Variants in NENF observed in about 807,000 individuals in gnomAD.
NENF encodes the protein neudesin neurotrophic factor.
Under a neutral mutation model 14.8 loss-of-function variants are expected in NENF, and 6 were observed. That is an observed-to-expected ratio of 0.40 (90% CI 0.22 to 0.80). The LOEUF is 0.80. Among genes scored for constraint, NENF ranks in the 30% least tolerant of loss-of-function variants. The pLI is 0.34. For synonymous variants in NENF, 76 were observed against 95.1 expected (o/e 0.80, Z 1.17); for missense variants, 184 against 212.7 (o/e 0.87, Z 0.84).
rs368519726 is a variant in NENF at position 212,444,375 on chromosome 1, C to T, written c.275C>T (p.Thr92Met). Residue 92 changes from threonine (T) to methionine (M), a missense_variant, in exon 3 of 4, where the codon ACG (threonine) becomes ATG (methionine). Physicochemically the swap from Thr to Met is moderately conservative, Grantham distance 81 (BLOSUM62 -1). Coordinates refer to ENST00000366988, the MANE Select transcript of NENF (RefSeq NM_013349.5). Reference protein sequence around the residue: ...YGRGAPYNALTGKDSTRGVAK... With the variant: ...YGRGAPYNALMGKDSTRGVAK... The stretch of plus-strand genomic sequence containing the variant: ...CGAGGAGCCCCCTACAATGCCTTGA[C>T]GGGGAAGGACTCCACTAGAGGGGTA... 68 of 1,606,746 alleles carry T rather than the reference C, an allele frequency of 4.2e-5. 1 individual carries two copies. The highest frequency in any genetic ancestry group is 3.0e-4 in the South Asian group (27 of 89,830).
Position 212,433,056 on chromosome 1 carries a change from C to T in NENF, c.113C>T (p.Ala38Val). ...TARAGQTPRP[A>V]ERGPPVRLFT... is the part of the protein sequence containing the mutation. Reference sequence around the variant, plus strand: ...CGGGCCGGGCAGACACCGCGCCCTGCCGAGCGGGGGCCCCCAGTGCGGCTT... The same window carrying T: ...CGGGCCGGGCAGACACCGCGCCCTGTCGAGCGGGGGCCCCCAGTGCGGCTT... Residue 38 changes from alanine (A) to valine (V), a missense_variant, in exon 1 of 4, where the codon GCC (alanine) becomes GTC (valine). By Grantham distance (64) the Ala-to-Val change is moderately conservative. Transcript: ENST00000366988. The surrounding 1 kb of genome is among the most constrained non-coding windows in gnomAD (Gnocchi z 5.5). 1 of 1,191,842 alleles carries T rather than the reference C, an allele frequency of 8.4e-7. No individual in the cohort carries two copies. Among genetic ancestry groups the T allele is most frequent in the Non-Finnish European group, 1.0e-6 (1 of 961,880 alleles). 73.8% of individuals were successfully genotyped at this position (1,191,842 alleles called of 1,614,324 possible).
intron 3 of NENF, among the ~76,000 whole-genome samples, chr1:212,445,369 A>G (rs11587792): frequency 1.9e-3 from 290 of 152,334 alleles, no homozygotes; most frequent in Middle Eastern, 6.8e-3. Flanking sequence ...ATAAATTGAG[A>G]TGAGCCAAAC....
chr1:212,437,961 C>T (rs1662634785), intron 1 of NENF, among the ~76,000 whole-genome samples: 1 of 152,092 alleles, frequency 6.6e-6, no homozygotes, highest in Non-Finnish European at 1.5e-5. Context: ...TGAGACCAGC[C>T]TGGGCAACGT....
In NENF at chr1:212,446,086, C is replaced by A; in HGVS notation, c.*80C>A. 7.0e-7 allele frequency: 1 copy of A among 1,434,096 alleles called. No homozygotes were observed. The highest frequency in any genetic ancestry group is 9.7e-7 in the Non-Finnish European group (1 of 1,029,366). 88.8% of individuals were successfully genotyped at this position (1,434,096 alleles called of 1,614,324 possible). On this transcript the variant is annotated 3_prime_UTR_variant, in exon 4 of 4. Transcript: ENST00000366988. ...GCTGAATCTCCTGCAAAACTGGCTGCCTGGAGGCCCTGAGCCACCCAGATC... is the reference window on the plus strand; with the variant it reads ...GCTGAATCTCCTGCAAAACTGGCTGACTGGAGGCCCTGAGCCACCCAGATC...
intron 1 of NENF, among the ~76,000 whole-genome samples, chr1:212,434,145 G>A (rs2102565689): frequency 6.6e-6 from 1 of 152,308 alleles, no homozygotes; most frequent in East Asian, 1.9e-4. Context: ...TTGTGAAGGG[G>A]CCATTTAGAA....
chr1:212,439,688 CAAAAAAA>C (rs1218927992), intron 1 of NENF, among the ~76,000 whole-genome samples: 32 of 60,934 alleles, frequency 5.3e-4, no homozygotes, highest in East Asian at 3.8e-3. Context: ...ACTAAATATA[CAAAAAAA>C]AAAAAAAAAA....
At chr1:212,442,702 G>A in intron 2 of NENF, 77 bp downstream of exon 2, 1 of 997,488 alleles carries the variant, frequency 1.0e-6, no homozygotes, top group Non-Finnish European at 1.6e-6. Flanking sequence ...GAGGTGTGAG[G>A]AAAGGGAGGG....
rs1183751477 is a variant in NENF, at chr1:212,433,503, G to C, written c.177+383G>C. ...GCATAGTGGGGAGTGGCGGGGGACG[G>C]AGGGAGGGAAGCAGAGCCTGCTCCC... is the stretch of plus-strand genomic sequence containing the variant. On this transcript the variant is annotated intron_variant, in intron 1 of 3. Coordinates refer to ENST00000366988, the MANE Select transcript of NENF (RefSeq NM_013349.5). The surrounding 1 kb of genome is among the most constrained non-coding windows in gnomAD (Gnocchi z 5.5). 6.6e-6 allele frequency among the ~76,000 whole-genome samples: 1 copy of C among 152,092 alleles called. No homozygotes were observed. The highest frequency in any genetic ancestry group is 1.5e-5 in the Non-Finnish European group (1 of 67,984).
At chr1:212,442,530 C>T (rs1662713747) in intron 1 of NENF, 35 bp from the exon 2 acceptor site, 14 of 1,551,442 alleles carry the variant, frequency 9.0e-6, no homozygotes, top group Non-Finnish European at 1.1e-5. Flanking sequence ...GCTGGCTCTT[C>T]CCTTCCTCTT....
chr1:212,436,629 G>A (rs887529573), intron 1 of NENF, among the ~76,000 whole-genome samples: 6 of 152,168 alleles, frequency 3.9e-5, no homozygotes, highest in African/African-American at 1.4e-4. Context: ...TTTCGATTAT[G>A]AGATTAGGCC....
chr1:212,438,184 T>G (rs1662639023), intron 1 of NENF, among the ~76,000 whole-genome samples: 1 of 152,204 alleles, frequency 6.6e-6, no homozygotes, highest in South Asian at 2.1e-4. Context: ...CCAGAGTGCC[T>G]TTCTTTGGCG....
chr1:212,439,843 G>A (rs1239954589), intron 1 of NENF, among the ~76,000 whole-genome samples: 9 of 151,870 alleles, frequency 5.9e-5, no homozygotes, highest in South Asian at 2.1e-4. Flanking sequence ...CTGGGCAACC[G>A]AGCTAGACTC....
At chr1:212,439,304 G>A (rs79419868) in intron 1 of NENF, among the ~76,000 whole-genome samples, 37,391 of 151,504 alleles carry the variant, frequency 0.25, 4,878 homozygotes, top group Non-Finnish European at 0.28. Flanking sequence ...AGGCCGAGGC[G>A]GGTAGATCAC....
Position 212,433,074 on chromosome 1 carries a change from T to C in NENF, c.131T>C (p.Val44Ala). 1 of 1,193,336 alleles carries C rather than the reference T, an allele frequency of 8.4e-7. No individual in the cohort carries two copies. Among genetic ancestry groups the C allele is most frequent in the Non-Finnish European group, 1.0e-6 (1 of 962,920 alleles). The allele number at this position is 1,193,336 out of a possible 1,614,324, so 73.9% of individuals were successfully genotyped here. A position where few individuals can be genotyped will look rare whatever the true frequency, so the allele number is the denominator to read the frequency against. ...TPRPAERGPPVRLFTEEELAR... is the reference protein window; with the variant it reads ...TPRPAERGPPARLFTEEELAR... ...CGCCCTGCCGAGCGGGGGCCCCCAG[T>C]GCGGCTTTTCACCGAGGAGGAGCTG... The change falls in exon 1 of 4, where the codon GTG becomes GCG. Residue 44 changes from valine to alanine, a missense_variant. Val to Ala is a moderately conservative substitution (Grantham distance 64). Coordinates refer to ENST00000366988, the MANE Select transcript of NENF (RefSeq NM_013349.5). The surrounding 1 kb of genome is among the most constrained non-coding windows in gnomAD (Gnocchi z 5.5).
chr1:212,438,298 A>G (rs1662640534), intron 1 of NENF, among the ~76,000 whole-genome samples: 1 of 152,196 alleles, frequency 6.6e-6, no homozygotes, highest in African/African-American at 2.4e-5. Context: ...TTATGATAGC[A>G]GGGTTTCACT....
At chr1:212,443,748 C>T (rs941823596) in intron 2 of NENF, among the ~76,000 whole-genome samples, 1 of 151,994 alleles carries the variant, frequency 6.6e-6, no homozygotes, top group Non-Finnish European at 1.5e-5. Flanking sequence ...GGTGAAAAAA[C>T]AGAACGAGAA....
Position 212,433,218 on chromosome 1 carries a change from T to G in NENF, c.177+98T>G. The G allele has an allele frequency of 1.3e-5, 10 of 759,070 alleles. No homozygotes were observed. Among genetic ancestry groups the G allele is most frequent in the South Asian group, 6.3e-5 (1 of 15,838 alleles). 47.0% of individuals were successfully genotyped at this position (759,070 alleles called of 1,614,324 possible). A position where few individuals can be genotyped will look rare whatever the true frequency, so the allele number is the denominator to read the frequency against. ...GAGGCGCCGGCGGCCCAGGAAGCTCTGGGGGACGCGCGGCCCGCGGCGGGC... is the reference window on the plus strand; with the variant it reads ...GAGGCGCCGGCGGCCCAGGAAGCTCGGGGGGACGCGCGGCCCGCGGCGGGC... On this transcript the variant is annotated intron_variant, in intron 1 of 3. Coordinates refer to ENST00000366988, the MANE Select transcript of NENF (RefSeq NM_013349.5). This position sits in a 1 kb window ranked among gnomAD's most constrained non-coding sequence, Gnocchi z 5.5.
chr1:212,437,920 G>A (rs1252810592), intron 1 of NENF, among the ~76,000 whole-genome samples: 1 of 152,138 alleles, frequency 6.6e-6, no homozygotes, highest in East Asian at 1.9e-4. Flanking sequence ...TTGGGAGGCC[G>A]AGCTGGAAAG....
intron 1 of NENF, among the ~76,000 whole-genome samples, chr1:212,437,004 A>T (rs931627868): frequency 1.3e-5 from 2 of 151,942 alleles, no homozygotes; most frequent in Non-Finnish European, 2.9e-5. Context: ...GGTGGTGTGC[A>T]CAGGCTTAGC....
Sources: allele counts gnomAD v4.1 joint callset (sites outside exome capture counted in the v4.1 genomes callset), GRCh38; gene constraint gnomAD v4.1.1; non-coding constraint Gnocchi (gnomAD v3.1); transcripts MANE v1.5; gene names NCBI Gene and HGNC (gene_info 2026-07-23, HGNC 2026-07-21).